The following VPS13B variants were observed in gnomAD, a reference collection of about 807,000 sequenced individuals.
VPS13B encodes vacuolar protein sorting 13 homolog B.
Under a neutral mutation model 426.4 loss-of-function variants are expected in VPS13B, and 285 were observed. The observed-to-expected ratio is 0.67, with a 90% CI of 0.61 to 0.74. The LOEUF (loss-of-function observed/expected upper bound fraction) is 0.74, where lower values mean the gene tolerates loss of function less well. Ranked by LOEUF, VPS13B falls within the 30% of genes least tolerant of loss-of-function variation. The pLI is 0.00. For missense variants in VPS13B, 4,537 were observed against 4,782.6 expected, an observed-to-expected ratio of 0.95 and a Z score of 1.51; for synonymous variants, 1,676 against 1,676.4, an observed-to-expected ratio of 1.00 and a Z score of 0.01.
chr8:99,478,442 G>GTTTTTTTTTTTTTTTTTTTTT (rs1819818315), intron 24 of VPS13B, among the ~76,000 whole-genome samples: 1 of 43,494 alleles, frequency 2.3e-5, no homozygotes, highest in East Asian at 6.6e-4. Context: ...TTGTTTTTTT[G>GTTTTTTTTTTTTTTTTTTTTT]TTTTGTTTTT....
chr8:99,124,358 G>A (rs1848087577), intron 8 of VPS13B, among the ~76,000 whole-genome samples: 3 of 152,140 alleles, frequency 2.0e-5, no homozygotes, highest in Admixed American at 6.5e-5. Context: ...ATATAGTTTG[G>A]TGGTTCCACA....
At chr8:99,707,629 C>T (rs1462783146) in intron 36 of VPS13B, among the ~76,000 whole-genome samples, 1 of 152,176 alleles carries the variant, frequency 6.6e-6, no homozygotes, top group African/African-American at 2.4e-5. Flanking sequence ...AACACCTCCA[C>T]AACTTAGTCT....
chr8:99,218,479 T>C (rs1281762523), intron 17 of VPS13B, among the ~76,000 whole-genome samples: 10 of 152,180 alleles, frequency 6.6e-5, no homozygotes, highest in Admixed American at 5.9e-4. Context: ...GGTGGAGTTT[T>C]GTGTTTCAGT....
chr8:99,565,434 GAA>G (rs1465433169), intron 31 of VPS13B, among the ~76,000 whole-genome samples: 8 of 150,780 alleles, frequency 5.3e-5, no homozygotes, highest in Non-Finnish European at 1.2e-4. Flanking sequence ...AGCTGACTTT[GAA>G]TCTGACATGA....
intron 33 of VPS13B, among the ~76,000 whole-genome samples, chr8:99,577,955 G>A (rs1281767724): frequency 6.6e-6 from 1 of 152,048 alleles, no homozygotes; most frequent in East Asian, 1.9e-4. Context: ...TCATTTACTC[G>A]GATACATTAC....
In VPS13B at chr8:99,673,132, T is replaced by C. The variant is rs556149203; in HGVS notation, c.6046+11641T>C. Among the ~76,000 whole-genome samples, 15 of 152,238 alleles carry C rather than the reference T, an allele frequency of 9.9e-5. 1 individual carries two copies. The South Asian group carries it at 3.1e-3, about 32-fold the overall frequency. ...TTGTCTGGTTTTCATATCAGGCTAA[T>C]ACTGGCTTATAGAATAAATTTGGAA... On this transcript the variant is annotated intron_variant, in intron 35 of 61. Coordinates refer to ENST00000357162, the MANE Select transcript of VPS13B (RefSeq NM_152564.5).
At chr8:99,830,882 G>T (rs1815000476) in intron 51 of VPS13B, among the ~76,000 whole-genome samples, 1 of 151,958 alleles carries the variant, frequency 6.6e-6, no homozygotes, top group Non-Finnish European at 1.5e-5. Context: ...CGCTTCCCGG[G>T]TGAGGCGACA....
chr8:99,365,516 C>CTTCTTTTTTTTTTTTT (rs71273182), intron 19 of VPS13B, among the ~76,000 whole-genome samples: 1 of 102,394 alleles, frequency 9.8e-6, no homozygotes, highest in African/African-American at 4.0e-5. Flanking sequence ...TCTTCTTCTT[C>CTTCTTTTTTTTTTTTT]TTTTTTTTTT....
intron 23 of VPS13B, among the ~76,000 whole-genome samples, chr8:99,451,514 C>T (rs1328211133): frequency 6.6e-6 from 1 of 152,064 alleles, no homozygotes; most frequent in Non-Finnish European, 1.5e-5. Flanking sequence ...ATATCTTTTC[C>T]TAGGGTAACT....
chr8:99,443,317 T>G (rs1817762916), intron 23 of VPS13B, among the ~76,000 whole-genome samples: 1 of 152,118 alleles, frequency 6.6e-6, no homozygotes, highest in Non-Finnish European at 1.5e-5. Flanking sequence ...ATTATTATGG[T>G]GTAAGTGTAT....
At chr8:99,561,894 C>CAAGT (rs1326633975) in intron 31 of VPS13B, among the ~76,000 whole-genome samples, 1 of 152,148 alleles carries the variant, frequency 6.6e-6, no homozygotes, top group Non-Finnish European at 1.5e-5. Context: ...TATTGCTGTA[C>CAAGT]AAGTACCTGT....
chr8:99,440,016 T>C (rs1817603561), intron 22 of VPS13B, among the ~76,000 whole-genome samples: 2 of 152,176 alleles, frequency 1.3e-5, no homozygotes, highest in Non-Finnish European at 2.9e-5. Context: ...ATCTTCAGTA[T>C]ATGATACTTA....
chr8:99,736,813 G>A (rs1833851812), intron 39 of VPS13B, among the ~76,000 whole-genome samples: 1 of 151,942 alleles, frequency 6.6e-6, no homozygotes, highest in African/African-American at 2.4e-5. Context: ...ATTACGCTGA[G>A]AGCTTTATGT....
intron 19 of VPS13B, among the ~76,000 whole-genome samples, chr8:99,331,294 T>G (rs765361467): frequency 4.6e-5 from 7 of 151,804 alleles, no homozygotes; most frequent in Non-Finnish European, 8.9e-5. Context: ...TTTTAAGTAG[T>G]GTTGCTTGTC....
At chr8:99,134,430 A>G (rs1464349830) in intron 8 of VPS13B, among the ~76,000 whole-genome samples, 3 of 152,154 alleles carry the variant, frequency 2.0e-5, no homozygotes, top group Non-Finnish European at 2.9e-5. Context: ...TAAATTCTCT[A>G]TATACGTTGA....
At chr8:99,028,378 G>T (rs1160905744) in intron 2 of VPS13B, among the ~76,000 whole-genome samples, 4 of 149,368 alleles carry the variant, frequency 2.7e-5, no homozygotes, top group Admixed American at 2.6e-4. Context: ...GGGGCGGCTG[G>T]CCGGGCGGGG....
chr8:99,176,486 G>A (rs1477902151), intron 16 of VPS13B, among the ~76,000 whole-genome samples: 1 of 152,158 alleles, frequency 6.6e-6, no homozygotes, highest in African/African-American at 2.4e-5. Context: ...GATTCTGGAA[G>A]TGGTTCCAAG....
chr8:99,642,085 C>A lies in VPS13B; in HGVS notation c.5495C>A (p.Ser1832Tyr), dbSNP rs763648748. 6.2e-7 allele frequency: 1 copy of A among 1,614,068 alleles called. No homozygotes were observed. The highest frequency in any genetic ancestry group is 1.3e-5 in the African/African-American group (1 of 75,042). ...ATGACCTATTCCTGTATGGCCTTAT[C>A]CAAATCGAAATCACAAGAACAGAAG... ...SLMTYSCMALSKSKSQEQKNN... is the reference protein window; with the variant it reads ...SLMTYSCMALYKSKSQEQKNN... Residue 1832 changes from serine (S) to tyrosine (Y), a missense_variant, in exon 34 of 62, where the codon TCC becomes TAC. Around this residue, in one of 2 missense-constraint regions of VPS13B, gnomAD observed 4,311 missense variants for 4,474.3 expected, o/e 0.96. Coordinates refer to ENST00000357162, the MANE Select transcript of VPS13B (RefSeq NM_152564.5).
At chr8:99,270,110 A>T (rs968261667) in intron 17 of VPS13B, among the ~76,000 whole-genome samples, 1 of 131,118 alleles carries the variant, frequency 7.6e-6, no homozygotes, top group African/African-American at 2.9e-5. Context: ...TGCTTTATAT[A>T]GGTATATAAG....
Sources: gnomAD v4.1 joint callset for allele counts (sites outside exome capture counted in the v4.1 genomes callset) on GRCh38, gnomAD v4.1.1 for gene constraint, gnomAD v4.1.1 regional missense constraint, MANE v1.5 for transcripts, NCBI Gene and HGNC (gene_info 2026-07-23, HGNC 2026-07-21) for gene names.